Variants in GPC5 observed in about 807,000 individuals in gnomAD.
GPC5 encodes the protein glypican 5, also known as glypican-5.
In GPC5, 47 loss-of-function variants were observed where a neutral mutation model predicts 53.9. The observed-to-expected ratio is 0.87, with a 90% confidence interval of 0.69 to 1.11. The LOEUF (loss-of-function observed/expected upper bound fraction) is 1.11, where lower values mean the gene tolerates loss of function less well. Ranked by LOEUF, GPC5 falls within the 50% of genes most tolerant of loss-of-function variation. The pLI is 0.00. For synonymous variants in GPC5, 286 were observed against 263.3 expected, an observed-to-expected ratio of 1.09 and a Z score of -0.84; for missense variants, 748 against 713.1, an observed-to-expected ratio of 1.05 and a Z score of -0.56.
chr13:92,071,223 G>A (rs765418488), intron 6 of GPC5, among the ~76,000 whole-genome samples: 5 of 152,192 alleles, frequency 3.3e-5, no homozygotes, highest in Admixed American at 6.5e-5. Flanking sequence ...GCAACAGAGC[G>A]AGACTCTGTT....
intron 6 of GPC5, among the ~76,000 whole-genome samples, chr13:92,078,302 C>A (rs551378123): frequency 6.6e-6 from 1 of 152,106 alleles, no homozygotes; most frequent in Non-Finnish European, 1.5e-5. Context: ...TTATTCTGAG[C>A]GCCATTTTAA....
intron 2 of GPC5, among the ~76,000 whole-genome samples, chr13:91,647,067 ATGCGTGTGTGTGTGTGTGTGTG>A (rs1256744504): frequency 2.3e-5 from 3 of 127,666 alleles, no homozygotes; most frequent in African/African-American, 8.4e-5. Flanking sequence ...TAATATATAT[ATGCGTGTGTGTGTGTGTGTGTG>A]TGTGTGTGTG....
At chr13:91,625,992 A>G (rs1006591333) in intron 2 of GPC5, among the ~76,000 whole-genome samples, 2 of 151,310 alleles carry the variant, frequency 1.3e-5, no homozygotes, top group South Asian at 2.1e-4. Context: ...TTTTGAAGTG[A>G]TAATGGCCTC....
At position 92,144,896 on chromosome 13, in the gene GPC5, A is replaced by G. The variant is rs769531930; in HGVS notation, c.1468A>G (p.Met490Val). Residue 490 changes from methionine (M) to valine (V), a missense_variant, in exon 7 of 8, where the codon ATG (methionine) becomes GTG (valine). Physicochemically the swap from Met to Val is conservative, Grantham distance 21. Coordinates refer to ENST00000377067, the MANE Select transcript of GPC5 (RefSeq NM_004466.6). ...TCTTCAGCTGGGCAGTGGTGGAGGC[A>G]TGGTTGAACAAGTCAGTGGGGACTG... is the stretch of plus-strand genomic sequence containing the variant. ...ELLQLGSGGG[M>V]VEQVSGDCDD... 6.2e-7 allele frequency: 1 copy of G among 1,610,142 alleles called. No individual in the cohort carries two copies. Among genetic ancestry groups the G allele is most frequent in the South Asian group, 1.1e-5 (1 of 90,636 alleles).
intron 5 of GPC5, among the ~76,000 whole-genome samples, chr13:91,890,643 C>T (rs116728206): frequency 0.017 from 2,624 of 152,228 alleles, 65 homozygotes; most frequent in African/African-American, 0.06. Context: ...ATTGCTGGGC[C>T]AGCATTATTC....
chr13:92,576,188 A>G (rs528902777), intron 7 of GPC5, among the ~76,000 whole-genome samples: 1 of 152,346 alleles, frequency 6.6e-6, no homozygotes, highest in African/African-American at 2.4e-5. Flanking sequence ...TTTGACTTCA[A>G]ACCTTCAGAG....
At chr13:91,784,532 C>T (rs1370685574) in intron 5 of GPC5, among the ~76,000 whole-genome samples, 1 of 152,124 alleles carries the variant, frequency 6.6e-6, no homozygotes, top group Admixed American at 6.5e-5. Context: ...GGAGACCAGC[C>T]TGACCAAGAT....
chr13:92,709,704 G>A (rs1420615715), intron 7 of GPC5: 2 of 152,172 alleles, frequency 1.3e-5, no homozygotes, highest in Non-Finnish European at 2.9e-5. Context: ...GGCCAAGCCA[G>A]ATAATGGGGT....
At chr13:91,625,674 G>A (rs1193177403) in intron 2 of GPC5, among the ~76,000 whole-genome samples, 1 of 152,026 alleles carries the variant, frequency 6.6e-6, no homozygotes, top group East Asian at 1.9e-4. Context: ...AGCCTAGTGT[G>A]AAAAAGACTT....
chr13:91,983,204 G>T (rs1312375757), intron 6 of GPC5, among the ~76,000 whole-genome samples: 5 of 152,096 alleles, frequency 3.3e-5, no homozygotes, highest in Non-Finnish European at 5.9e-5. Context: ...AAATTAGCCG[G>T]GCGTACTGGC....
At chr13:92,186,168 A>G (rs2042182548) in intron 7 of GPC5, among the ~76,000 whole-genome samples, 2 of 152,020 alleles carry the variant, frequency 1.3e-5, no homozygotes, top group African/African-American at 2.4e-5. Context: ...TAACAAAAGC[A>G]TTCTGGTAGA....
chr13:92,520,564 T>G (rs1455500738), intron 7 of GPC5, among the ~76,000 whole-genome samples: 2 of 152,122 alleles, frequency 1.3e-5, no homozygotes, highest in East Asian at 3.9e-4. Flanking sequence ...GAAAAGGCCT[T>G]TGACAAAATT....
At chr13:92,844,698 C>T (rs1372125550) in intron 7 of GPC5, among the ~76,000 whole-genome samples, 2 of 151,870 alleles carry the variant, frequency 1.3e-5, no homozygotes, top group Admixed American at 6.6e-5. Context: ...ATATTCACTT[C>T]GTATTTTGGA....
intron 7 of GPC5, among the ~76,000 whole-genome samples, chr13:92,299,822 T>G (rs2139195902): frequency 6.6e-6 from 1 of 152,316 alleles, no homozygotes; most frequent in East Asian, 1.9e-4. Flanking sequence ...TTTTTAAATC[T>G]AAATATTTTA....
chr13:92,024,861 A>C (rs1367508099), intron 6 of GPC5, among the ~76,000 whole-genome samples: 2 of 152,176 alleles, frequency 1.3e-5, no homozygotes, highest in African/African-American at 4.8e-5. Flanking sequence ...TGGGTATAAA[A>C]ATTATAATTG....
At chr13:92,115,988 C>T (rs1012853449) in intron 6 of GPC5, among the ~76,000 whole-genome samples, 17 of 152,094 alleles carry the variant, frequency 1.1e-4, no homozygotes, top group African/African-American at 3.6e-4. Flanking sequence ...TGGTTGCTCA[C>T]GCCTGTAATC....
rs954116962 is a variant in GPC5 at position 91,925,057 on chromosome 13, G to A, written c.1401+17000G>A. Among the ~76,000 whole-genome samples the A allele has an allele frequency of 2.5e-4, 38 of 152,172 alleles. 1 individual carries two copies. The highest frequency in any genetic ancestry group is 8.9e-4 in the African/African-American group (37 of 41,534). ...GATGGTCTCGATCTCCTGATCTCGT[G>A]ATCCGCCCGCCTCGGCCTCCCAAAG... On this transcript the variant is annotated intron_variant, in intron 6 of 7. Coordinates refer to ENST00000377067, the MANE Select transcript of GPC5 (RefSeq NM_004466.6).
intron 7 of GPC5, among the ~76,000 whole-genome samples, chr13:92,637,654 C>T: frequency 6.6e-6 from 1 of 152,150 alleles, no homozygotes; most frequent in East Asian, 1.9e-4. Flanking sequence ...AGTAACTTAA[C>T]TGCATCCCAG....
chr13:92,800,887 C>T (rs1208753520), intron 7 of GPC5, among the ~76,000 whole-genome samples: 1 of 151,560 alleles, frequency 6.6e-6, no homozygotes, highest in Non-Finnish European at 1.5e-5. Flanking sequence ...CCTTTTAACC[C>T]TTTTAAATTC....
Sources: allele counts gnomAD v4.1 joint callset (sites outside exome capture counted in the v4.1 genomes callset), GRCh38; gene constraint gnomAD v4.1.1; transcripts MANE v1.5; gene names NCBI Gene and HGNC (gene_info 2026-07-23, HGNC 2026-07-21).